The following CCDC85A variants were observed in gnomAD, a reference collection of about 807,000 sequenced individuals.
The protein encoded by CCDC85A is coiled-coil domain containing 85A, also known as coiled-coil domain-containing protein 85A.
Under a neutral mutation model 50.2 loss-of-function variants are expected in CCDC85A, and 38 were observed. That is an observed-to-expected ratio of 0.76 (90% CI 0.58 to 0.99). CCDC85A has a LOEUF of 0.99. CCDC85A is among the 50% of genes least tolerant of loss of function. CCDC85A has a pLI of 0.00. For missense variants in CCDC85A, 820 were observed against 742.0 expected, an observed-to-expected ratio of 1.11 and a Z score of -1.22; for synonymous variants, 366 against 301.4, an observed-to-expected ratio of 1.21 and a Z score of -2.22.
intron 2 of CCDC85A, among the ~76,000 whole-genome samples, chr2:56,262,544 G>T (rs997681134): frequency 6.6e-6 from 1 of 152,156 alleles, no homozygotes; most frequent in Non-Finnish European, 1.5e-5. Context: ...TAATCAAGAG[G>T]TGTCTTCACC....
intron 3 of CCDC85A, among the ~76,000 whole-genome samples, chr2:56,367,527 C>T (rs535374778): frequency 1.0e-3 from 154 of 152,196 alleles, no homozygotes; most frequent in African/African-American, 3.5e-3. Context: ...TCAGCTATAG[C>T]GACATTTTGG....
At chr2:56,365,831 C>T (rs1365558269) in intron 3 of CCDC85A, among the ~76,000 whole-genome samples, 2 of 152,070 alleles carry the variant, frequency 1.3e-5, no homozygotes, top group Admixed American at 6.5e-5. Context: ...CTATAGTCAC[C>T]ATGCTGTACA....
At chr2:56,303,340 A>G (rs1232141638) in intron 2 of CCDC85A, among the ~76,000 whole-genome samples, 1 of 152,172 alleles carries the variant, frequency 6.6e-6, no homozygotes, top group Non-Finnish European at 1.5e-5. Context: ...AAGACATAAT[A>G]CTGGACGATG....
At chr2:56,317,557 A>G (rs142594282) in intron 2 of CCDC85A, among the ~76,000 whole-genome samples, 10 of 152,184 alleles carry the variant, frequency 6.6e-5, no homozygotes, top group African/African-American at 2.4e-4. Context: ...TTTCCTCATT[A>G]AGAGGAAATT....
At chr2:56,327,007 A>G (rs1303565941) in intron 2 of CCDC85A, among the ~76,000 whole-genome samples, 1 of 152,136 alleles carries the variant, frequency 6.6e-6, no homozygotes, top group Non-Finnish European at 1.5e-5. Flanking sequence ...GTATGCATCT[A>G]TCACATGGAT....
chr2:56,231,765 T>C (rs1170258898), intron 2 of CCDC85A, among the ~76,000 whole-genome samples: 1 of 152,182 alleles, frequency 6.6e-6, no homozygotes, highest in Non-Finnish European at 1.5e-5. Context: ...GATCCTGAAC[T>C]TTATCAGGGA....
At chr2:56,375,763 G>A (rs1676302742) in intron 4 of CCDC85A, 53 bp from the exon 5 acceptor site, 4 of 1,577,518 alleles carry the variant, frequency 2.5e-6, no homozygotes, top group Non-Finnish European at 3.5e-6. Context: ...TGACATCTTT[G>A]TAGTTATAAA....
intron 2 of CCDC85A, among the ~76,000 whole-genome samples, chr2:56,199,933 G>A (rs1033807794): frequency 6.6e-6 from 1 of 152,156 alleles, no homozygotes; most frequent in Non-Finnish European, 1.5e-5. Context: ...CGGTGGCGCA[G>A]TCTTGGCTCA....
At chr2:56,380,545 A>G (rs192080553) in intron 5 of CCDC85A, among the ~76,000 whole-genome samples, 1 of 151,498 alleles carries the variant, frequency 6.6e-6, no homozygotes, top group East Asian at 2.0e-4. Context: ...GGGCAACAGA[A>G]TGAGACCCTG....
chr2:56,258,384 G>A (rs887566119), intron 2 of CCDC85A, among the ~76,000 whole-genome samples: 2 of 152,160 alleles, frequency 1.3e-5, no homozygotes, highest in Non-Finnish European at 2.9e-5. Flanking sequence ...GGTATAAAAG[G>A]AAAGACAGTG....
At position 56,208,711 on chromosome 2, in the gene CCDC85A, C is replaced by G. The variant is rs76184216; in HGVS notation, c.1240+15271C>G. Among the ~76,000 whole-genome samples, 3 of 152,026 alleles carry G rather than the reference C, an allele frequency of 2.0e-5. No individual in the cohort carries two copies. In the East Asian group the frequency reaches 5.8e-4, roughly 29 times the overall value. ...TTTCAAGCTTTCCCTTCCTTTTCCTCCTCTAGGCTCACCCAACACATATGA... is the reference window on the plus strand; with the variant it reads ...TTTCAAGCTTTCCCTTCCTTTTCCTGCTCTAGGCTCACCCAACACATATGA... On this transcript the variant is annotated intron_variant, in intron 2 of 5. Transcript: ENST00000407595.
intron 3 of CCDC85A, among the ~76,000 whole-genome samples, chr2:56,350,146 T>C (rs1674839808): frequency 6.7e-6 from 1 of 148,292 alleles, no homozygotes; most frequent in Admixed American, 6.7e-5. Context: ...TCTTCTGTTT[T>C]CTTTTCCTTT....
chr2:56,302,288 A>G (rs1672246384), intron 2 of CCDC85A, among the ~76,000 whole-genome samples: 1 of 152,174 alleles, frequency 6.6e-6, no homozygotes, highest in Non-Finnish European at 1.5e-5. Context: ...AATAAAAAAA[A>G]TAAGATCATA....
chr2:56,275,898 T>G (rs144812791), intron 2 of CCDC85A, among the ~76,000 whole-genome samples: 2 of 152,128 alleles, frequency 1.3e-5, no homozygotes, highest in Non-Finnish European at 2.9e-5. Flanking sequence ...AATCTGACCT[T>G]TTGTTTTGGT....
chr2:56,383,555 T>C, intron 5 of CCDC85A: 1 of 982,630 alleles, frequency 1.0e-6, no homozygotes, highest in Non-Finnish European at 1.2e-6. Context: ...TAATTGTATC[T>C]CTTTCAGTGA....
chr2:56,326,718 A>T (rs971756135), intron 2 of CCDC85A, among the ~76,000 whole-genome samples: 20 of 152,298 alleles, frequency 1.3e-4, no homozygotes, highest in African/African-American at 4.8e-4. Flanking sequence ...GTTTTATCAA[A>T]TAAAATGCTT....
chr2:56,213,124 A>C (rs1573033301), intron 2 of CCDC85A, among the ~76,000 whole-genome samples: 1 of 152,148 alleles, frequency 6.6e-6, no homozygotes, highest in East Asian at 1.9e-4. Flanking sequence ...CCAGAATCAA[A>C]GAAACGAGAA....
intron 2 of CCDC85A, among the ~76,000 whole-genome samples, chr2:56,224,504 C>A (rs1431098162): frequency 6.6e-6 from 1 of 152,152 alleles, no homozygotes; most frequent in Admixed American, 6.5e-5. Context: ...GCCACATGAT[C>A]TATGTGTAAC....
intron 2 of CCDC85A, among the ~76,000 whole-genome samples, chr2:56,225,089 A>AT (rs35003367): frequency 4.0e-5 from 6 of 149,764 alleles, no homozygotes; most frequent in East Asian, 3.9e-4. Context: ...ATTTTTGTTC[A>AT]TTTTTTTTTT....
Sources: gnomAD v4.1 joint callset for allele counts (sites outside exome capture counted in the v4.1 genomes callset) on GRCh38, gnomAD v4.1.1 for gene constraint, MANE v1.5 for transcripts, NCBI Gene and HGNC (gene_info 2026-07-23, HGNC 2026-07-21) for gene names.